The following ABI2 variants were observed in gnomAD, a reference collection of about 807,000 sequenced individuals.
ABI2 encodes the protein abelson interactor 2.
ABI2 carries 25 observed loss-of-function variants against 59.2 expected under a neutral mutation model. The ratio of observed to expected loss-of-function variants is 0.42; its 90% CI spans 0.31 to 0.59. The LOEUF (loss-of-function observed/expected upper bound fraction) is 0.59. Ranked by LOEUF, ABI2 falls within the 20% of genes least tolerant of loss-of-function variation. The pLI is 0.14. For missense variants in ABI2, 545 were observed against 681.8 expected (o/e 0.80, Z 2.23); for synonymous variants, 213 against 235.5 (o/e 0.90, Z 0.87).
At position 203,339,125 on chromosome 2, in the gene ABI2, A is replaced by C. The variant is rs184018926; in HGVS notation, c.117+10494A>C. ...CCAACAGGTATGTGAAAATGTGCTC[A>C]ACATCACTAATCATTAGGGAAATGC... is the stretch of plus-strand genomic sequence containing the variant. On this transcript the variant is annotated intron_variant, in intron 1 of 11. Transcript: ENST00000261018. Among the ~76,000 whole-genome samples the C allele has an allele frequency of 7.3e-5, 11 of 150,764 alleles. No homozygotes were observed. In the East Asian group the frequency reaches 2.2e-3, roughly 30 times the overall value.
chr2:203,341,283 CAG>C (rs1373224282), intron 1 of ABI2, among the ~76,000 whole-genome samples: 6 of 152,184 alleles, frequency 3.9e-5, no homozygotes, highest in Non-Finnish European at 7.3e-5. Context: ...TATGTGAGGG[CAG>C]AGATTTTTGT....
At chr2:203,342,219 G>C in intron 1 of ABI2, 1 of 456,040 alleles carries the variant, frequency 2.2e-6, no homozygotes, top group South Asian at 1.6e-5. Flanking sequence ...TTTCCATTCT[G>C]TGAGGTCAGT....
At chr2:203,382,608 GTACTT>G (rs2096210611) in intron 4 of ABI2, among the ~76,000 whole-genome samples, 1 of 152,078 alleles carries the variant, frequency 6.6e-6, no homozygotes, top group Non-Finnish European at 1.5e-5. Context: ...GCCAATTAAT[GTACTT>G]TATTTAACCC....
intron 1 of ABI2, among the ~76,000 whole-genome samples, chr2:203,345,748 A>G (rs1362510601): frequency 1.3e-5 from 2 of 149,776 alleles, no homozygotes; most frequent in South Asian, 2.1e-4. Context: ...GTTTCACCAC[A>G]TTGGCCAGGC....
intron 2 of ABI2, among the ~76,000 whole-genome samples, chr2:203,368,229 G>A (rs2094679609): frequency 6.6e-6 from 1 of 151,902 alleles, no homozygotes; most frequent in African/African-American, 2.4e-5. Context: ...ATACTGCAGT[G>A]AAAAACCAAT....
chr2:203,390,918 A>G (rs1392085984), intron 4 of ABI2, 128 bp from the exon 5 acceptor site: 9 of 689,248 alleles, frequency 1.3e-5, no homozygotes, highest in Non-Finnish European at 2.1e-5. Flanking sequence ...TATGAAATGC[A>G]TGGCCTCTAA....
chr2:203,328,711 G>A, intron 1 of ABI2, 80 bp downstream of exon 1: 2 of 932,444 alleles, frequency 2.1e-6, no homozygotes, highest in Non-Finnish European at 1.5e-6. Flanking sequence ...GGCCGAGGCC[G>A]CCTCGGGGAC....
At chr2:203,341,048 C>T (rs1360301296) in intron 1 of ABI2, among the ~76,000 whole-genome samples, 1 of 152,172 alleles carries the variant, frequency 6.6e-6, no homozygotes, top group Non-Finnish European at 1.5e-5. Flanking sequence ...GTACTCTACT[C>T]CAAGATAGTT....
At chr2:203,408,323 T>G (rs1053768259) in intron 9 of ABI2, among the ~76,000 whole-genome samples, 4 of 151,870 alleles carry the variant, frequency 2.6e-5, no homozygotes, top group Non-Finnish European at 5.9e-5. Context: ...CTACCACACC[T>G]GGCTAATTTT....
chr2:203,395,517 C>T, intron 6 of ABI2, 139 bp from the exon 7 acceptor site: 1 of 858,054 alleles, frequency 1.2e-6, no homozygotes, highest in South Asian at 2.5e-5. Context: ...ACTTGGAGCT[C>T]AAGGAAATTT....
chr2:203,356,345 A>C (rs1037195746), intron 1 of ABI2, among the ~76,000 whole-genome samples: 5 of 151,988 alleles, frequency 3.3e-5, no homozygotes, highest in Non-Finnish European at 7.4e-5. Flanking sequence ...CACCAGGCTA[A>C]TTTTTTAATT....
chr2:203,350,863 TG>T lies in ABI2; in HGVS notation c.118-16013del, dbSNP rs1302700091. 8.5e-4 allele frequency among the ~76,000 whole-genome samples: 32 copies of T among 37,802 alleles called. 1 individual carries two copies. In the South Asian group the frequency reaches 0.01, roughly 12 times the overall value. 24.8% of individuals were successfully genotyped at this position (37,802 alleles called of 152,430 possible). ...TTTTCTTTGTTTTTGTTGTGTGTTTTGTGTGTGTGTGTGTGTGTGTGTGTGT... is the reference window on the plus strand; with the variant it reads ...TTTTCTTTGTTTTTGTTGTGTGTTTTTGTGTGTGTGTGTGTGTGTGTGTGT... On this transcript the variant is annotated intron_variant, in intron 1 of 11. Coordinates refer to ENST00000261018, the MANE Select transcript of ABI2 (RefSeq NM_001375670.1).
At chr2:203,344,159 C>T (rs767828412) in intron 1 of ABI2, among the ~76,000 whole-genome samples, 4 of 152,120 alleles carry the variant, frequency 2.6e-5, no homozygotes, top group African/African-American at 9.7e-5. Context: ...TAAAGCTTAG[C>T]GCTTCAACTG....
chr2:203,355,829 C>CAAAAAA (rs771519788), intron 1 of ABI2, among the ~76,000 whole-genome samples: 4 of 68,482 alleles, frequency 5.8e-5, no homozygotes, highest in African/African-American at 2.5e-4. Flanking sequence ...AAAACTGTCT[C>CAAAAAA]AAAAAAAAAA....
chr2:203,406,607 G>A (rs747360580), intron 9 of ABI2, among the ~76,000 whole-genome samples: 5 of 152,166 alleles, frequency 3.3e-5, no homozygotes, highest in East Asian at 3.8e-4. Flanking sequence ...TGTCTAAAAC[G>A]TCTAGAAGAA....
At chr2:203,346,229 A>G (rs1483616761) in intron 1 of ABI2, among the ~76,000 whole-genome samples, 1 of 152,150 alleles carries the variant, frequency 6.6e-6, no homozygotes, top group Non-Finnish European at 1.5e-5. Flanking sequence ...CAACTATTTA[A>G]ATCTTTGAGG....
chr2:203,366,477 A>G (rs1365152984), intron 1 of ABI2, among the ~76,000 whole-genome samples: 3 of 152,188 alleles, frequency 2.0e-5, no homozygotes, highest in Non-Finnish European at 4.4e-5. Context: ...TGTTATGGCC[A>G]CATTTCACAT....
At chr2:203,353,349 G>C (rs945227364) in intron 1 of ABI2, among the ~76,000 whole-genome samples, 4 of 152,190 alleles carry the variant, frequency 2.6e-5, no homozygotes, top group Non-Finnish European at 4.4e-5. Context: ...CATGTGGCTA[G>C]TGACTACCAT....
intron 10 of ABI2, among the ~76,000 whole-genome samples, chr2:203,413,223 A>G (rs1307536184): frequency 2.0e-5 from 3 of 152,234 alleles, no homozygotes; most frequent in Non-Finnish European, 4.4e-5. Flanking sequence ...TTAATGAAAC[A>G]CGAATGTTTG....
Sources: gnomAD v4.1 joint callset for allele counts (sites outside exome capture counted in the v4.1 genomes callset) on GRCh38, gnomAD v4.1.1 for gene constraint, MANE v1.5 for transcripts, NCBI Gene and HGNC (gene_info 2026-07-23, HGNC 2026-07-21) for gene names.